NIPBL: variants seen among roughly 807,000 people sequenced by gnomAD.
NIPBL encodes NIPBL cohesin loading factor, also known as nipped-B-like protein.
NIPBL carries 19 observed loss-of-function variants against 321.8 expected under a neutral mutation model. The ratio of observed to expected loss-of-function variants is 0.06; its 90% CI spans 0.04 to 0.09. NIPBL has a LOEUF of 0.09. NIPBL is among the 10% of genes least tolerant of loss of function. The pLI is 1.00. For missense variants in NIPBL, 2,210 were observed against 3,327.0 expected (o/e 0.66, Z 8.26); for synonymous variants, 1,106 against 1,114.1 (o/e 0.99, Z 0.14).
Position 36,976,100 on chromosome 5 carries a change from G to A in NIPBL, c.1193G>A (p.Gly398Glu), listed in dbSNP as rs776787961. The A allele has an allele frequency of 6.2e-7, 1 of 1,613,978 alleles. No homozygotes were observed. The highest frequency in any genetic ancestry group is 1.1e-5 in the South Asian group (1 of 91,076). Reference sequence around the variant, plus strand: ...ATTCCTTTTAATGTGCAGTACCCAGGACAGACTTCAAAAACACCCATTACT... The same window carrying A: ...ATTCCTTTTAATGTGCAGTACCCAGAACAGACTTCAAAAACACCCATTACT... ...NDIPFNVQYP[G>E]QTSKTPITPQ... Residue 398 changes from glycine (G) to glutamate (E), a missense_variant, in exon 9 of 47, where the codon GGA (glycine) becomes GAA (glutamate). This residue lies in a region of NIPBL where 464 missense variants were observed against 529.5 expected (regional missense o/e 0.88). Transcript: ENST00000282516.
At chr5:36,978,310 T>C (rs1465355491) in intron 9 of NIPBL, among the ~76,000 whole-genome samples, 1 of 152,136 alleles carries the variant, frequency 6.6e-6, no homozygotes, top group African/African-American at 2.4e-5. Flanking sequence ...TAAGATTGTA[T>C]CTCATTGTGG....
At chr5:37,033,590 A>G (rs1751316683) in intron 32 of NIPBL, among the ~76,000 whole-genome samples, 1 of 150,456 alleles carries the variant, frequency 6.6e-6, no homozygotes, top group African/African-American at 2.4e-5. Flanking sequence ...TTCAGCTCAA[A>G]AATCAACTCC....
intron 9 of NIPBL, among the ~76,000 whole-genome samples, chr5:36,977,750 C>A (rs1234613847): frequency 2.0e-5 from 3 of 151,764 alleles, no homozygotes; most frequent in Admixed American, 6.6e-5. Flanking sequence ...TCAACCTTGG[C>A]TTCGTCCCTT....
chr5:36,977,163 A>G (rs1445484815), intron 9 of NIPBL, among the ~76,000 whole-genome samples: 2 of 152,108 alleles, frequency 1.3e-5, no homozygotes, highest in Non-Finnish European at 2.9e-5. Context: ...AGTGATTCAA[A>G]TTAGCAATAT....
chr5:36,922,874 T>C (rs1173554309), intron 1 of NIPBL, among the ~76,000 whole-genome samples: 2 of 152,218 alleles, frequency 1.3e-5, no homozygotes, highest in African/African-American at 4.8e-5. Context: ...AAAGGGTAAC[T>C]GATTTGAACT....
At chr5:36,908,846 T>G (rs899884908) in intron 1 of NIPBL, among the ~76,000 whole-genome samples, 1 of 152,226 alleles carries the variant, frequency 6.6e-6, no homozygotes, top group Non-Finnish European at 1.5e-5. Context: ...TGTAGAAACT[T>G]GAAGTCTTAC....
At chr5:36,987,347 TATTTAA>T (rs1315011961) in intron 10 of NIPBL, among the ~76,000 whole-genome samples, 10 of 152,222 alleles carry the variant, frequency 6.6e-5, no homozygotes, top group Non-Finnish European at 1.5e-4. Flanking sequence ...CTTTTTTGGC[TATTTAA>T]ATTTAAGTTA....
intron 21 of NIPBL, among the ~76,000 whole-genome samples, chr5:37,012,718 C>T (rs1319511579): frequency 6.6e-6 from 1 of 152,120 alleles, no homozygotes; most frequent in African/African-American, 2.4e-5. Flanking sequence ...GCACATCTTG[C>T]ACCGCCCTTA....
intron 20 of NIPBL, among the ~76,000 whole-genome samples, chr5:37,009,242 A>T (rs546641365): frequency 2.2e-4 from 34 of 152,322 alleles, no homozygotes; most frequent in African/African-American, 7.9e-4. Context: ...TCTCAAAAAA[A>T]AAAATAAAAA....
chr5:36,921,030 A>C (rs189518157), intron 1 of NIPBL, among the ~76,000 whole-genome samples: 1 of 152,216 alleles, frequency 6.6e-6, no homozygotes, highest in East Asian at 1.9e-4. Flanking sequence ...ATCTTCAAAA[A>C]ACTTCAGATT....
intron 1 of NIPBL, among the ~76,000 whole-genome samples, chr5:36,925,230 T>C (rs1391154138): frequency 6.6e-6 from 1 of 152,090 alleles, no homozygotes; most frequent in East Asian, 1.9e-4. Flanking sequence ...AAATTTAATA[T>C]TTATTGTCTT....
At chr5:37,023,127 T>C (rs942468684) in intron 29 of NIPBL, among the ~76,000 whole-genome samples, 4 of 152,194 alleles carry the variant, frequency 2.6e-5, no homozygotes, top group Non-Finnish European at 4.4e-5. Flanking sequence ...TATCAGAACA[T>C]TGTGTGACAG....
rs886060553 is a variant in NIPBL, at chr5:36,876,834, TC to T, written c.-416del. On this transcript the variant is annotated 5_prime_UTR_variant, in exon 1 of 47. Transcript: ENST00000282516. ...CACACAGGGCTCCTTCCCCCCGCCC[TC>T]CCCCCCCTCCCTCCGTCGGTACCGA... The T allele has an allele frequency of 3.6e-3, 284 of 79,382 alleles. No individual in the cohort carries two copies. Among genetic ancestry groups the T allele is most frequent in the Middle Eastern group, 0.01 (2 of 194 alleles). 4.9% of individuals were successfully genotyped at this position (79,382 alleles called of 1,614,324 possible).
chr5:36,952,162 T>G lies in NIPBL; in HGVS notation c.-79-1456T>G, dbSNP rs145438256. On this transcript the variant is annotated intron_variant, in intron 1 of 46. Transcript: ENST00000282516. ...TTTGGGGTGAAGGAAATTCTTAGTT[T>G]TAACTACCCGTATAATTATACGTTA... Among the ~76,000 whole-genome samples, 706 of 151,876 alleles carry G rather than the reference T, an allele frequency of 4.6e-3. 4 individuals are homozygous for G. Among genetic ancestry groups the G allele is most frequent in the African/African-American group, 0.016 (677 of 41,446 alleles).
At chr5:36,982,202 A>G (rs555255453) in intron 9 of NIPBL, 2 of 980,024 alleles carry the variant, frequency 2.0e-6, no homozygotes, top group South Asian at 9.4e-5. Flanking sequence ...TATGGTTCCC[A>G]GTGCTGAAGA....
chr5:37,038,593 T>G lies in NIPBL; in HGVS notation c.5972-9T>G. ...TTTTAGTGTCTTATTTCTCTGTTTG[T>G]TTTTCCAGACTCTGACAATAAAGGT... is the stretch of plus-strand genomic sequence containing the variant. On this transcript the variant is annotated splice_polypyrimidine_tract_variant and intron_variant, in intron 33 of 46. Transcript: ENST00000282516. 1 of 1,612,898 alleles carries G rather than the reference T, an allele frequency of 6.2e-7. No homozygotes were observed. The highest frequency in any genetic ancestry group is 2.2e-5 in the East Asian group (1 of 44,782).
chr5:36,916,706 G>C (rs1178595491), intron 1 of NIPBL, among the ~76,000 whole-genome samples: 1 of 151,670 alleles, frequency 6.6e-6, no homozygotes. Flanking sequence ...CGTGTCCAAG[G>C]GTTCCCATTG....
In NIPBL at chr5:37,065,050, G is replaced by T; in HGVS notation, c.*158G>T. On this transcript the variant is annotated 3_prime_UTR_variant, in exon 47 of 47. Transcript: ENST00000282516. ...GGAAATGTTGGGCAAACATTTTTGT[G>T]GGAGCTCCCTTCGCTGTTGTGCAGC... The T allele has an allele frequency of 1.2e-6, 1 of 805,820 alleles. No individual in the cohort carries two copies. 49.9% of individuals were successfully genotyped at this position (805,820 alleles called of 1,614,324 possible). A position where few individuals can be genotyped will look rare whatever the true frequency, so the allele number is the denominator to read the frequency against.
intron 1 of NIPBL, among the ~76,000 whole-genome samples, chr5:36,899,746 CAG>C (rs1210812909): frequency 3.9e-5 from 6 of 152,108 alleles, no homozygotes; most frequent in African/African-American, 1.4e-4. Flanking sequence ...TGTATATACA[CAG>C]AGTTAAAAAC....
Sources: allele counts gnomAD v4.1 joint callset (sites outside exome capture counted in the v4.1 genomes callset), GRCh38; gene constraint gnomAD v4.1.1; regional missense constraint gnomAD v4.1.1; transcripts MANE v1.5; gene names NCBI Gene and HGNC (gene_info 2026-07-23, HGNC 2026-07-21).